The following PARP15 variants were observed in gnomAD, a reference collection of about 807,000 sequenced individuals.
The protein encoded by PARP15 is poly(ADP-ribose) polymerase family member 15.
Under a neutral mutation model 62.1 loss-of-function variants are expected in PARP15, and 50 were observed. That is an observed-to-expected ratio of 0.81 (90% CI 0.64 to 1.02). The LOEUF is 1.02. Ranked by LOEUF, PARP15 falls within the 50% of genes least tolerant of loss-of-function variation. The probability of loss-of-function intolerance (pLI) is 0.00; values close to 1 mark genes in which losing one functional copy is unlikely to be tolerated. For synonymous variants in PARP15, 309 were observed against 293.1 expected, an observed-to-expected ratio of 1.05 and a Z score of -0.55; for missense variants, 820 against 826.5, an observed-to-expected ratio of 0.99 and a Z score of 0.10.
intron 1 of PARP15, among the ~76,000 whole-genome samples, chr3:122,597,809 G>A (rs1934478449): frequency 6.6e-6 from 1 of 152,078 alleles, no homozygotes; most frequent in African/African-American, 2.4e-5. Context: ...TGGACCCCAA[G>A]CAATGCCAAA....
At chr3:122,599,544 C>CTT (rs2107504179) in intron 1 of PARP15, among the ~76,000 whole-genome samples, 2 of 84,754 alleles carry the variant, frequency 2.4e-5, no homozygotes, top group African/African-American at 8.0e-5. Context: ...TTTCCTTTCT[C>CTT]TCTCTTTCTT....
At chr3:122,613,792 G>A (rs1225433670) in intron 4 of PARP15, among the ~76,000 whole-genome samples, 3 of 147,392 alleles carry the variant, frequency 2.0e-5, no homozygotes, top group Non-Finnish European at 4.5e-5. Context: ...AAAGTTGGGT[G>A]ACATACCTCT....
chr3:122,590,512 G>C (rs1933820062), intron 1 of PARP15, among the ~76,000 whole-genome samples: 1 of 152,016 alleles, frequency 6.6e-6, no homozygotes, highest in African/African-American at 2.4e-5. Context: ...CTGACCTCGT[G>C]ATCCACCTGC....
At chr3:122,618,541 C>G (rs891998276) in intron 6 of PARP15, among the ~76,000 whole-genome samples, 1 of 152,090 alleles carries the variant, frequency 6.6e-6, no homozygotes, top group Non-Finnish European at 1.5e-5. Flanking sequence ...GGGGCAAGTA[C>G]AGAGATGAAA....
At chr3:122,590,574 C>T (rs1176447046) in intron 1 of PARP15, among the ~76,000 whole-genome samples, 3 of 152,206 alleles carry the variant, frequency 2.0e-5, no homozygotes, top group African/African-American at 7.2e-5. Context: ...GTGCCCAGCC[C>T]CAAATAATAT....
At chr3:122,592,427 TG>T (rs1933998674) in intron 1 of PARP15, among the ~76,000 whole-genome samples, 2 of 152,016 alleles carry the variant, frequency 1.3e-5, no homozygotes, top group South Asian at 4.2e-4. Flanking sequence ...CAGCACACAC[TG>T]GGGCCTGTCT....
chr3:122,589,517 G>C (rs561959568), intron 1 of PARP15, among the ~76,000 whole-genome samples: 2 of 152,100 alleles, frequency 1.3e-5, no homozygotes, highest in African/African-American at 4.8e-5. Context: ...TTCCTAAATC[G>C]TTGCCTTATT....
chr3:122,606,122 G>A, intron 2 of PARP15, 67 bp downstream of exon 2: 1 of 1,461,064 alleles, frequency 6.8e-7, no homozygotes, highest in African/African-American at 1.4e-5. Context: ...TCTGTGAGTT[G>A]TTCCATGATT....
intron 4 of PARP15, chr3:122,615,323 A>G (rs555440658): frequency 1.5e-6 from 2 of 1,290,616 alleles, no homozygotes; most frequent in African/African-American, 3.0e-5. Flanking sequence ...AGCATACTGT[A>G]TGTATTTGTT....
intron 1 of PARP15, 75 bp downstream of exon 1, chr3:122,577,928 G>A (rs1347163439): frequency 7.0e-7 from 1 of 1,428,610 alleles, no homozygotes; most frequent in Non-Finnish European, 9.2e-7. Flanking sequence ...CCAGCAGCCC[G>A]AGCGGGCGCA....
intron 10 of PARP15, among the ~76,000 whole-genome samples, chr3:122,634,598 A>G (rs1576554084): frequency 6.6e-6 from 1 of 152,312 alleles, no homozygotes; most frequent in East Asian, 1.9e-4. Context: ...AACAGAAAGA[A>G]TTGTTATGAG....
rs1576514982 is a variant in PARP15, at chr3:122,610,546, C to A, written c.359C>A (p.Pro120Gln). The A allele has an allele frequency of 6.4e-7, 1 of 1,551,716 alleles. No homozygotes were observed. The change falls in exon 3 of 12, where the codon CCA becomes CAA. Residue 120 changes from proline (P) to glutamine (Q), a missense_variant. By Grantham distance (76) the Pro-to-Gln change is moderately conservative. Around this residue, in one of 3 missense-constraint regions of PARP15, gnomAD observed 731 missense variants for 727.7 expected, o/e 1.00. Transcript: ENST00000464300. ...ATGAATCTTCAGCTTGGAGGAGGAC[C>A]ACTATCTCGGGCATTTTTGCAGAAA... ...VPMNLQLGGG[P>Q]LSRAFLQKAG...
intron 7 of PARP15, 188 bp from the exon 8 acceptor site, chr3:122,621,256 T>C (rs756867940): frequency 5.1e-6 from 3 of 593,088 alleles, no homozygotes; most frequent in Admixed American, 3.2e-5. Flanking sequence ...AGTGTATTTG[T>C]TGAGCTCGAG....
intron 8 of PARP15, among the ~76,000 whole-genome samples, chr3:122,624,125 T>C (rs980463269): frequency 2.7e-5 from 4 of 149,156 alleles, no homozygotes; most frequent in African/African-American, 9.9e-5. Context: ...CACTCCAGCA[T>C]GGGCAACAAA....
At chr3:122,601,632 C>T (rs541440531) in intron 1 of PARP15, among the ~76,000 whole-genome samples, 1 of 152,268 alleles carries the variant, frequency 6.6e-6, no homozygotes, top group Admixed American at 6.5e-5. Flanking sequence ...AAATAATATT[C>T]TATCGTATGG....
intron 8 of PARP15, among the ~76,000 whole-genome samples, chr3:122,622,528 A>T (rs532425251): frequency 9.2e-5 from 14 of 151,490 alleles, no homozygotes; most frequent in Non-Finnish European, 1.9e-4. Context: ...AACTCTTCAG[A>T]CCTCCCCCAT....
At chr3:122,605,293 G>T (rs893722965) in intron 1 of PARP15, among the ~76,000 whole-genome samples, 4 of 152,204 alleles carry the variant, frequency 2.6e-5, no homozygotes, top group South Asian at 2.1e-4. Flanking sequence ...ACTAGAGAAA[G>T]TCTCCAGGCA....
intron 1 of PARP15, among the ~76,000 whole-genome samples, chr3:122,581,526 G>T (rs1186377108): frequency 6.6e-6 from 1 of 151,328 alleles, no homozygotes; most frequent in African/African-American, 2.4e-5. Flanking sequence ...TTATATTCTT[G>T]TCATCCATTT....
At chr3:122,618,690 A>C (rs1459637934) in intron 6 of PARP15, among the ~76,000 whole-genome samples, 4 of 152,138 alleles carry the variant, frequency 2.6e-5, no homozygotes, top group Non-Finnish European at 5.9e-5. Context: ...AACCAGAGGG[A>C]TTTTGGACTT....
Sources: gnomAD v4.1 joint callset for allele counts (sites outside exome capture counted in the v4.1 genomes callset) on GRCh38, gnomAD v4.1.1 for gene constraint, gnomAD v4.1.1 regional missense constraint, MANE v1.5 for transcripts, NCBI Gene and HGNC (gene_info 2026-07-23, HGNC 2026-07-21) for gene names.